The following CAMKMT variants were observed in gnomAD, a reference collection of about 807,000 sequenced individuals.
CAMKMT encodes CaM KMT.
In CAMKMT, 53 loss-of-function variants were observed where a neutral mutation model predicts 48.0. The ratio of observed to expected loss-of-function variants is 1.10; its 90% CI spans 0.89 to 1.39. CAMKMT has a LOEUF of 1.39. Ranked by LOEUF, CAMKMT falls within the 40% of genes most tolerant of loss-of-function variation. The probability of loss-of-function intolerance (pLI) is 0.00; values close to 1 mark genes in which losing one functional copy is unlikely to be tolerated. For synonymous variants in CAMKMT, 165 were observed against 152.3 expected (o/e 1.08, Z -0.61); for missense variants, 428 against 402.7 (o/e 1.06, Z -0.54).
intron 3 of CAMKMT, among the ~76,000 whole-genome samples, chr2:44,666,837 T>C (rs585645): frequency 0.11 from 16,670 of 152,264 alleles, 1,010 homozygotes; most frequent in South Asian, 0.2. Flanking sequence ...CTTGATCTCC[T>C]GACCTCGTGA....
chr2:44,608,236 C>T (rs1367720056), intron 3 of CAMKMT, among the ~76,000 whole-genome samples: 1 of 151,894 alleles, frequency 6.6e-6, no homozygotes, highest in Non-Finnish European at 1.5e-5. Context: ...CCGCGCCTGG[C>T]TAATTTTTTG....
chr2:44,415,986 TCTC>T (rs1486553714), intron 3 of CAMKMT, among the ~76,000 whole-genome samples: 3 of 152,346 alleles, frequency 2.0e-5, no homozygotes, highest in African/African-American at 7.2e-5. Context: ...GTTTGATTCT[TCTC>T]ATGTCAATCT....
chr2:44,746,767 T>C (rs551103671), intron 8 of CAMKMT, among the ~76,000 whole-genome samples: 2 of 152,314 alleles, frequency 1.3e-5, no homozygotes, highest in South Asian at 2.1e-4. Context: ...TTGACTTGTT[T>C]AATGTTGAGT....
In CAMKMT at chr2:44,772,432, G is replaced by T; in HGVS notation, c.*319G>T. On this transcript the variant is annotated 3_prime_UTR_variant, in exon 11 of 11. Transcript: ENST00000378494. ...AATATTTTTCCCTGTAATTGAGACA[G>T]AATTTCTTTTGATGATACCCATCCC... The T allele has an allele frequency of 4.8e-6, 1 of 208,194 alleles. No individual in the cohort carries two copies. Among genetic ancestry groups the T allele is most frequent in the South Asian group, 1.9e-4 (1 of 5,388 alleles). 12.9% of individuals were successfully genotyped at this position (208,194 alleles called of 1,614,324 possible). A position where few individuals can be genotyped will look rare whatever the true frequency, so the allele number is the denominator to read the frequency against.
At chr2:44,520,811 C>T (rs1401393626) in intron 3 of CAMKMT, among the ~76,000 whole-genome samples, 1 of 152,112 alleles carries the variant, frequency 6.6e-6, no homozygotes, top group Non-Finnish European at 1.5e-5. Flanking sequence ...CCATGCTATT[C>T]TCGTGATAAT....
chr2:44,440,504 T>C (rs1023032457), intron 3 of CAMKMT, among the ~76,000 whole-genome samples: 1 of 152,166 alleles, frequency 6.6e-6, no homozygotes, highest in Non-Finnish European at 1.5e-5. Flanking sequence ...CTTTAAGTCT[T>C]AAGCTGCACT....
intron 3 of CAMKMT, among the ~76,000 whole-genome samples, chr2:44,563,545 A>C (rs992495461): frequency 6.8e-6 from 1 of 146,612 alleles, no homozygotes; most frequent in African/African-American, 2.4e-5. Context: ...ACATATGTAT[A>C]CATGTGCCAT....
intron 3 of CAMKMT, among the ~76,000 whole-genome samples, chr2:44,679,623 T>G (rs929476296): frequency 2.6e-5 from 4 of 152,246 alleles, no homozygotes; most frequent in African/African-American, 9.6e-5. Context: ...AAACTAATTT[T>G]AACGTTAACA....
intron 3 of CAMKMT, chr2:44,631,412 T>C (rs1029066248): frequency 5.6e-6 from 3 of 532,132 alleles, no homozygotes; most frequent in Non-Finnish European, 6.5e-6. Context: ...ATAATAGTAA[T>C]AATAATAAAA....
chr2:44,669,093 TTTTG>T (rs141164091), intron 3 of CAMKMT, among the ~76,000 whole-genome samples: 450 of 152,282 alleles, frequency 3.0e-3, no homozygotes, highest in African/African-American at 9.9e-3. Flanking sequence ...CCCACTTGTT[TTTTG>T]TTTGTTTTTG....
At chr2:44,706,129 A>G (rs1677543598) in intron 4 of CAMKMT, among the ~76,000 whole-genome samples, 158 bp from the exon 5 acceptor site, 4 of 152,146 alleles carry the variant, frequency 2.6e-5, no homozygotes, top group Admixed American at 2.6e-4. Context: ...ATTATTTTTA[A>G]AACGCAAAAC....
At chr2:44,739,593 A>G (rs942007222) in intron 7 of CAMKMT, among the ~76,000 whole-genome samples, 1 of 152,194 alleles carries the variant, frequency 6.6e-6, no homozygotes, top group Non-Finnish European at 1.5e-5. Flanking sequence ...AGTTCATGGG[A>G]GAGGTTCAGG....
intron 3 of CAMKMT, among the ~76,000 whole-genome samples, chr2:44,611,572 G>A (rs577667407): frequency 6.6e-6 from 1 of 152,072 alleles, no homozygotes; most frequent in South Asian, 2.1e-4. Flanking sequence ...TTAAGAACTC[G>A]TGTTCTGGAA....
chr2:44,698,913 G>A (rs548604854), intron 3 of CAMKMT, among the ~76,000 whole-genome samples: 6 of 152,192 alleles, frequency 3.9e-5, no homozygotes, highest in Non-Finnish European at 7.4e-5. Flanking sequence ...TTGTAATTTC[G>A]ACAGTGTTCA....
chr2:44,547,890 G>GCT (rs1667491704), intron 3 of CAMKMT, among the ~76,000 whole-genome samples: 5 of 152,150 alleles, frequency 3.3e-5, no homozygotes, highest in Non-Finnish European at 7.4e-5. Context: ...GCAGTGGAAA[G>GCT]GGATCATCAA....
chr2:44,494,101 G>A (rs1669642110), intron 3 of CAMKMT, among the ~76,000 whole-genome samples: 1 of 152,124 alleles, frequency 6.6e-6, no homozygotes, highest in Admixed American at 6.5e-5. Flanking sequence ...GTTTGCCTGT[G>A]CATTTGGAAA....
At chr2:44,406,719 C>T (rs1190400948) in intron 3 of CAMKMT, among the ~76,000 whole-genome samples, 2 of 152,164 alleles carry the variant, frequency 1.3e-5, no homozygotes, top group Non-Finnish European at 2.9e-5. Context: ...ACCTCAGCCT[C>T]CCAAGTAGCT....
chr2:44,696,413 A>G (rs1676954680), intron 3 of CAMKMT, among the ~76,000 whole-genome samples: 1 of 152,196 alleles, frequency 6.6e-6, no homozygotes, highest in Admixed American at 6.5e-5. Flanking sequence ...TTGTACTTCT[A>G]AAAGAAGGAG....
At chr2:44,573,093 ATGTGC>A (rs1669012963) in intron 3 of CAMKMT, among the ~76,000 whole-genome samples, 1 of 151,836 alleles carries the variant, frequency 6.6e-6, no homozygotes, top group Non-Finnish European at 1.5e-5. Flanking sequence ...TAATCTTTTC[ATGTGC>A]TGTTTGGCCG....
Sources: allele counts gnomAD v4.1 joint callset (sites outside exome capture counted in the v4.1 genomes callset), GRCh38; gene constraint gnomAD v4.1.1; transcripts MANE v1.5; gene names NCBI Gene and HGNC (gene_info 2026-07-23, HGNC 2026-07-21).